Variants in GPC6 observed in about 807,000 individuals in gnomAD.
GPC6 encodes the protein glypican 6.
Under a neutral mutation model 55.2 loss-of-function variants are expected in GPC6, and 14 were observed. That is an observed-to-expected ratio of 0.25 (90% confidence interval 0.17 to 0.40). GPC6 has a LOEUF of 0.40. GPC6 is among the 10% of genes least tolerant of loss of function. The probability of loss-of-function intolerance (pLI) is 1.00; values close to 1 mark genes in which losing one functional copy is unlikely to be tolerated. For missense variants in GPC6, 641 were observed against 708.5 expected (o/e 0.90, Z 1.08); for synonymous variants, 278 against 259.6 (o/e 1.07, Z -0.68).
intron 2 of GPC6, among the ~76,000 whole-genome samples, chr13:93,687,131 A>G (rs1396487636): frequency 1.3e-5 from 2 of 152,074 alleles, no homozygotes; most frequent in Admixed American, 6.6e-5. Context: ...TTCTTGTCAT[A>G]TATGTAGAAA....
At chr13:93,639,165 A>G (rs999840691) in intron 2 of GPC6, among the ~76,000 whole-genome samples, 1 of 152,130 alleles carries the variant, frequency 6.6e-6, no homozygotes, top group Non-Finnish European at 1.5e-5. Context: ...AATGAAATGG[A>G]GCAAGGGTAA....
intron 3 of GPC6, among the ~76,000 whole-genome samples, chr13:93,930,290 T>TTTTTTTTTTTTTTTTTGAA (rs1212509139): frequency 7.0e-6 from 1 of 142,408 alleles, no homozygotes; most frequent in Admixed American, 6.9e-5. Flanking sequence ...TTTTTTTTTG[T>TTTTTTTTTTTTTTTTTGAA]AGACAGAGTC....
chr13:93,949,074 GT>G (rs919024481), intron 3 of GPC6, among the ~76,000 whole-genome samples: 7 of 152,206 alleles, frequency 4.6e-5, no homozygotes, highest in Non-Finnish European at 2.9e-5. Flanking sequence ...AACTTTGGGG[GT>G]CTTCTGCGTT....
At chr13:93,954,583 A>T (rs1446284692) in intron 3 of GPC6, among the ~76,000 whole-genome samples, 1 of 152,096 alleles carries the variant, frequency 6.6e-6, no homozygotes, top group African/African-American at 2.4e-5. Flanking sequence ...TAGTACTGTG[A>T]CCTTTTTCCT....
intron 1 of GPC6, among the ~76,000 whole-genome samples, chr13:93,496,195 C>T (rs1261352728): frequency 1.3e-5 from 2 of 152,150 alleles, no homozygotes; most frequent in Non-Finnish European, 2.9e-5. Flanking sequence ...GCGTAGGACC[C>T]TCCGAGCCAG....
chr13:93,548,567 T>G (rs1332853759), intron 2 of GPC6, among the ~76,000 whole-genome samples: 1 of 152,170 alleles, frequency 6.6e-6, no homozygotes, highest in Non-Finnish European at 1.5e-5. Flanking sequence ...TAAAACCATA[T>G]TCTATTTATT....
At chr13:93,412,019 TA>T (rs1453811404) in intron 1 of GPC6, among the ~76,000 whole-genome samples, 10 of 150,130 alleles carry the variant, frequency 6.7e-5, no homozygotes, top group African/African-American at 2.5e-4. Flanking sequence ...AAAAAATAAA[TA>T]AAATAAAAAT....
chr13:93,488,501 G>A (rs556489835), intron 1 of GPC6, among the ~76,000 whole-genome samples: 1 of 152,278 alleles, frequency 6.6e-6, no homozygotes, highest in East Asian at 1.9e-4. Context: ...GGGATGGCTA[G>A]GTCAAATGGT....
rs1878166781 is a variant in GPC6 at position 93,604,679 on chromosome 13, TA to T, written c.319+59265del. ...AATAGAAGTACGCTCTCTGCACGAT[TA>T]AAAAAATGAAAATAAAAACACTGAA... On this transcript the variant is annotated intron_variant, in intron 2 of 8. Coordinates refer to ENST00000377047, the MANE Select transcript of GPC6 (RefSeq NM_005708.5). 2.0e-5 allele frequency among the ~76,000 whole-genome samples: 3 copies of T among 151,990 alleles called. No individual in the cohort carries two copies. The South Asian group carries it at 6.2e-4, about 32-fold the overall frequency.
intron 3 of GPC6, among the ~76,000 whole-genome samples, chr13:94,003,056 C>T (rs1380752852): frequency 6.6e-6 from 1 of 152,160 alleles, no homozygotes; most frequent in Non-Finnish European, 1.5e-5. Context: ...GAATAATTCG[C>T]ATCTAGCTGT....
At chr13:94,301,647 T>A (rs918951259) in intron 5 of GPC6, among the ~76,000 whole-genome samples, 2 of 152,196 alleles carry the variant, frequency 1.3e-5, no homozygotes, top group African/African-American at 4.8e-5. Flanking sequence ...TTATTCCCAT[T>A]TGACAGACGA....
intron 4 of GPC6, among the ~76,000 whole-genome samples, chr13:94,192,384 G>A (rs890460617): frequency 6.6e-6 from 1 of 152,162 alleles, no homozygotes; most frequent in Admixed American, 6.5e-5. Flanking sequence ...ATCCATAATA[G>A]CCCAGAGTGT....
intron 1 of GPC6, among the ~76,000 whole-genome samples, chr13:93,514,220 AGTTG>A (rs1175833152): frequency 6.6e-6 from 1 of 152,044 alleles, no homozygotes; most frequent in Non-Finnish European, 1.5e-5. Flanking sequence ...TTATTTGAGA[AGTTG>A]GTTGGCTGAA....
At chr13:93,866,207 G>A (rs991595) in intron 3 of GPC6, among the ~76,000 whole-genome samples, 100,937 of 151,448 alleles carry the variant, frequency 0.67, 34,275 homozygotes, top group East Asian at 0.81. Context: ...AACAACTAGA[G>A]ACAACCCAAC....
In GPC6 at chr13:93,564,460, C is replaced by G. The variant is rs529645986; in HGVS notation, c.319+19039C>G. ...TGATAATATATATGAATTGAATTAC[C>G]TATTAAAATATTTTAAAGAAGAACA... On this transcript the variant is annotated intron_variant, in intron 2 of 8. Transcript: ENST00000377047. Among the ~76,000 whole-genome samples, 6 of 152,124 alleles carry G rather than the reference C, an allele frequency of 3.9e-5. 1 individual carries two copies. The highest frequency in any genetic ancestry group is 1.4e-4 in the African/African-American group (6 of 41,528).
intron 6 of GPC6, among the ~76,000 whole-genome samples, chr13:94,372,072 C>T (rs1879571330): frequency 6.6e-6 from 1 of 152,070 alleles, no homozygotes; most frequent in Admixed American, 6.6e-5. Context: ...TTCCCTCCCT[C>T]CTTCCTTCCT....
At chr13:93,555,409 G>A (rs1220511324) in intron 2 of GPC6, among the ~76,000 whole-genome samples, 2 of 152,146 alleles carry the variant, frequency 1.3e-5, no homozygotes, top group East Asian at 3.9e-4. Context: ...AGTGTTGTGT[G>A]ACAATGGTAG....
intron 1 of GPC6, among the ~76,000 whole-genome samples, chr13:93,392,346 T>C (rs537964072): frequency 2.2e-4 from 33 of 152,354 alleles, no homozygotes; most frequent in South Asian, 6.2e-4. Flanking sequence ...TTTTACTTTA[T>C]TGAGCTTATT....
intron 4 of GPC6, among the ~76,000 whole-genome samples, chr13:94,127,605 T>G (rs1407147031): frequency 6.6e-6 from 1 of 152,098 alleles, no homozygotes; most frequent in Admixed American, 6.6e-5. Flanking sequence ...CCTAATACAG[T>G]GGTAAAAATC....
Sources: allele counts gnomAD v4.1 joint callset (sites outside exome capture counted in the v4.1 genomes callset), GRCh38; gene constraint gnomAD v4.1.1; transcripts MANE v1.5; gene names NCBI Gene and HGNC (gene_info 2026-07-23, HGNC 2026-07-21).